EDAR: variants seen among roughly 807,000 people sequenced by gnomAD.
The protein encoded by EDAR is tumor necrosis factor receptor superfamily member EDAR.
Under a neutral mutation model 51.3 loss-of-function variants are expected in EDAR, and 38 were observed. The observed-to-expected ratio is 0.74, with a 90% CI of 0.57 to 0.97. The LOEUF (loss-of-function observed/expected upper bound fraction) is 0.97, where lower values mean the gene tolerates loss of function less well. Among genes scored for constraint, EDAR ranks in the 50% least tolerant of loss-of-function variants. The probability of loss-of-function intolerance (pLI) is 0.00; values close to 1 mark genes in which losing one functional copy is unlikely to be tolerated. For missense variants in EDAR, 528 were observed against 595.0 expected (o/e 0.89, Z 1.17); for synonymous variants, 227 against 242.1 (o/e 0.94, Z 0.58).
chr2:108,975,855 C>T (rs1043447390), intron 1 of EDAR, among the ~76,000 whole-genome samples: 19 of 152,196 alleles, frequency 1.2e-4, no homozygotes, highest in African/African-American at 4.6e-4. Context: ...AACTGCTGGA[C>T]GGCGTTCTGT....
intron 4 of EDAR, among the ~76,000 whole-genome samples, chr2:108,923,667 A>C (rs1319051102): frequency 6.6e-6 from 1 of 152,238 alleles, no homozygotes; most frequent in African/African-American, 2.4e-5. Flanking sequence ...TGAGCTGCCA[A>C]CGTGGGCCTT....
chr2:108,949,611 G>A (rs1247576032), intron 1 of EDAR, among the ~76,000 whole-genome samples: 3 of 152,126 alleles, frequency 2.0e-5, no homozygotes, highest in African/African-American at 7.2e-5. Context: ...AATGTGATGA[G>A]ATTTCTCCCT....
chr2:108,927,048 G>T (rs915661020), intron 4 of EDAR, among the ~76,000 whole-genome samples: 28 of 152,216 alleles, frequency 1.8e-4, no homozygotes, highest in Admixed American at 1.8e-3. Context: ...TGAGGCGGGG[G>T]CCTTCAATTT....
At chr2:108,901,875 G>A (rs192955607) in intron 11 of EDAR, among the ~76,000 whole-genome samples, 181 of 152,010 alleles carry the variant, frequency 1.2e-3, no homozygotes, top group African/African-American at 4.3e-3. Flanking sequence ...AGGCCGAGGT[G>A]GGTATATTGC....
At position 108,895,484 on chromosome 2, in the gene EDAR, C is replaced by T. The variant is rs990650429; in HGVS notation, c.*1423G>A. Reference sequence around the variant, plus strand: ...GCCAAGAACAATGCCAGTTTATTAACTTTCTGCCTATAAATGTTATGTCAA... The same window carrying T: ...GCCAAGAACAATGCCAGTTTATTAATTTTCTGCCTATAAATGTTATGTCAA... On this transcript the variant is annotated 3_prime_UTR_variant, in exon 12 of 12. Coordinates refer to ENST00000258443, the MANE Select transcript of EDAR (RefSeq NM_022336.4). 1 of 152,252 alleles carries T rather than the reference C, an allele frequency of 6.6e-6. No individual in the cohort carries two copies. The highest frequency in any genetic ancestry group is 6.5e-5 in the Admixed American group (1 of 15,270). 9.4% of individuals were successfully genotyped at this position (152,252 alleles called of 1,614,324 possible). A position where few individuals can be genotyped will look rare whatever the true frequency, so the allele number is the denominator to read the frequency against.
intron 9 of EDAR, among the ~76,000 whole-genome samples, chr2:108,908,534 G>A (rs1389586260): frequency 6.6e-6 from 1 of 152,120 alleles, no homozygotes; most frequent in Admixed American, 6.5e-5. Context: ...CTAGGGGGGT[G>A]ACCTGGCTGA....
At chr2:108,942,610 C>T (rs1019801326) in intron 1 of EDAR, among the ~76,000 whole-genome samples, 1 of 152,256 alleles carries the variant, frequency 6.6e-6, no homozygotes, top group Admixed American at 6.5e-5. Context: ...CTGAGTGAGG[C>T]CGTGAGGCGG....
intron 4 of EDAR, 116 bp downstream of exon 4, chr2:108,929,082 C>A: frequency 8.3e-7 from 1 of 1,211,892 alleles, no homozygotes; most frequent in Non-Finnish European, 1.2e-6. Context: ...GCCAGGTGTG[C>A]GGCTGCACCG....
At chr2:108,902,338 T>TG (rs1696715920) in intron 11 of EDAR, among the ~76,000 whole-genome samples, 1 of 152,104 alleles carries the variant, frequency 6.6e-6, no homozygotes, top group Non-Finnish European at 1.5e-5. Flanking sequence ...ATTGTGCCAC[T>TG]GCACTCCAGC....
chr2:108,932,528 C>CAAAAAAAAAAA (rs1171012818), intron 1 of EDAR, among the ~76,000 whole-genome samples: 1 of 39,124 alleles, frequency 2.6e-5, no homozygotes, highest in African/African-American at 1.0e-4. Context: ...GACTCTGTCT[C>CAAAAAAAAAAA]AAAAAAAAAA....
intron 1 of EDAR, among the ~76,000 whole-genome samples, chr2:108,932,790 G>T (rs1010298364): frequency 6.6e-6 from 1 of 152,238 alleles, no homozygotes; most frequent in South Asian, 2.1e-4. Context: ...CACATAAACC[G>T]TGGGGAAAAC....
intron 4 of EDAR, among the ~76,000 whole-genome samples, chr2:108,925,995 C>A (rs548000675): frequency 8.5e-5 from 13 of 152,312 alleles, no homozygotes; most frequent in African/African-American, 2.9e-4. Context: ...GTGTTCAGTG[C>A]CTCCTGACAA....
Position 108,929,289 on chromosome 2 carries a change from G to T in EDAR, c.265C>A (p.Arg89Ser), listed in dbSNP as rs780424781. The stretch of plus-strand genomic sequence containing the variant: ...AAGAAGCCCTCACAGTCTTTGTGAC[G>T]CCTGCATATCTGGTAGCCTCCTTTG... ...FSKGGYQICR[R>S]HKDCEGFFRA... The change falls in exon 4 of 12, where the codon CGT becomes AGT. Residue 89 changes from arginine to serine, a missense_variant. Physicochemically the swap from Arg to Ser is moderately radical, Grantham distance 110 (BLOSUM62 -1). Transcript: ENST00000258443. 1 of 1,614,178 alleles carries T rather than the reference G, an allele frequency of 6.2e-7. No individual in the cohort carries two copies. Among genetic ancestry groups the T allele is most frequent in the South Asian group, 1.1e-5 (1 of 91,090 alleles).
chr2:108,986,329 A>C (rs1698500150), intron 1 of EDAR, among the ~76,000 whole-genome samples: 1 of 152,214 alleles, frequency 6.6e-6, no homozygotes, highest in African/African-American at 2.4e-5. Flanking sequence ...CTCTGAGGAC[A>C]GGAGATGAGT....
At chr2:108,909,555 G>A (rs1696876303) in intron 9 of EDAR, among the ~76,000 whole-genome samples, 1 of 152,184 alleles carries the variant, frequency 6.6e-6, no homozygotes, top group African/African-American at 2.4e-5. Context: ...TGCCAAGGGA[G>A]GCACTGTTGC....
At chr2:108,901,041 T>C (rs747735947) in intron 11 of EDAR, among the ~76,000 whole-genome samples, 14 of 152,200 alleles carry the variant, frequency 9.2e-5, no homozygotes, top group Non-Finnish European at 1.6e-4. Flanking sequence ...CAACACGATC[T>C]AATCAACATT....
intron 1 of EDAR, among the ~76,000 whole-genome samples, chr2:108,944,165 G>A (rs945922935): frequency 6.6e-6 from 1 of 152,196 alleles, no homozygotes; most frequent in African/African-American, 2.4e-5. Context: ...CCAGGCTGGA[G>A]TGCAGTGGCA....
intron 8 of EDAR, 74 bp from the exon 9 acceptor site, chr2:108,910,606 C>T: frequency 6.9e-7 from 1 of 1,440,250 alleles, no homozygotes; most frequent in Non-Finnish European, 9.7e-7. Context: ...CCCAACCCTG[C>T]TCTTCCTGTT....
rs371869984 is a variant in EDAR at position 108,925,766 on chromosome 2, C to T, written c.357-2313G>A. 2.0e-4 allele frequency among the ~76,000 whole-genome samples: 30 copies of T among 152,244 alleles called. No individual in the cohort carries two copies. In the East Asian group the frequency reaches 5.0e-3, roughly 25 times the overall value. ...CCAAGTAGCTGGGATTACAGGCATG[C>T]ACCACGACGCCTGGCTAATTTTTAT... On this transcript the variant is annotated intron_variant, in intron 4 of 11. Transcript: ENST00000258443.
Sources: gnomAD v4.1 joint callset for allele counts (sites outside exome capture counted in the v4.1 genomes callset) on GRCh38, gnomAD v4.1.1 for gene constraint, MANE v1.5 for transcripts, NCBI Gene and HGNC (gene_info 2026-07-23, HGNC 2026-07-21) for gene names.